The following SHISA9 variants were observed in gnomAD, a reference collection of about 807,000 sequenced individuals.
SHISA9 encodes protein shisa-9.
Under a neutral mutation model 38.0 loss-of-function variants are expected in SHISA9, and 13 were observed. That is an observed-to-expected ratio of 0.34 (90% CI 0.22 to 0.54). The LOEUF (loss-of-function observed/expected upper bound fraction) is 0.54. Among genes scored for constraint, SHISA9 ranks in the 20% least tolerant of loss-of-function variants. SHISA9 has a pLI of 0.91. For missense variants in SHISA9, 538 were observed against 575.8 expected, an observed-to-expected ratio of 0.93 and a Z score of 0.67; for synonymous variants, 275 against 242.0, an observed-to-expected ratio of 1.14 and a Z score of -1.27.
At chr16:13,052,791 C>T (rs2141900785) in intron 2 of SHISA9, among the ~76,000 whole-genome samples, 1 of 152,082 alleles carries the variant, frequency 6.6e-6, no homozygotes, top group African/African-American at 2.4e-5. Context: ...TGTTCTGAGC[C>T]CTGTGCTGGA....
the SHISA9 span, among the ~76,000 whole-genome samples, chr16:13,280,791 C>G: frequency 6.6e-6 from 1 of 151,424 alleles, no homozygotes; most frequent in Non-Finnish European, 1.5e-5. Flanking sequence ...AGAATTATAA[C>G]TATAAAGCTC....
At chr16:13,045,071 C>T (rs142507667) in intron 2 of SHISA9, among the ~76,000 whole-genome samples, 34 of 152,150 alleles carry the variant, frequency 2.2e-4, no homozygotes, top group African/African-American at 7.0e-4. Flanking sequence ...AAGATGGGGA[C>T]GATAACAGCA....
intron 2 of SHISA9, among the ~76,000 whole-genome samples, chr16:13,102,659 C>G (rs1328215919): frequency 1.3e-5 from 2 of 152,178 alleles, no homozygotes; most frequent in African/African-American, 4.8e-5. Context: ...TGTCCTCCCT[C>G]TAGACTCCCC....
the SHISA9 span, among the ~76,000 whole-genome samples, chr16:13,294,281 C>T: frequency 3.3e-5 from 5 of 152,164 alleles, no homozygotes; most frequent in Non-Finnish European, 7.3e-5. Context: ...GGATTGGCTG[C>T]CCCAGGATGG....
intron 2 of SHISA9, among the ~76,000 whole-genome samples, chr16:13,118,811 C>CCT (rs2074057548): frequency 6.7e-6 from 1 of 149,156 alleles, no homozygotes; most frequent in Admixed American, 6.8e-5. Context: ...CTTACTGCAA[C>CCT]CTCCACCTCA....
chr16:13,057,251 C>T (rs1034273004), intron 2 of SHISA9, among the ~76,000 whole-genome samples: 51 of 152,292 alleles, frequency 3.3e-4, no homozygotes, highest in African/African-American at 1.2e-3. Context: ...GCTTGCCTTT[C>T]ACAAGACAGC....
the SHISA9 span, among the ~76,000 whole-genome samples, chr16:13,387,253 A>G: frequency 2.0e-5 from 3 of 152,194 alleles, no homozygotes; most frequent in African/African-American, 7.2e-5. Flanking sequence ...TCATTTGGAA[A>G]TAGAATTGTT....
chr16:13,350,463 C>T, the SHISA9 span: 3 of 152,222 alleles, frequency 2.0e-5, no homozygotes, highest in African/African-American at 4.8e-5. Flanking sequence ...ATATCTTTCT[C>T]CTTCTACATA....
At chr16:13,228,064 A>C (rs1267423337) in intron 4 of SHISA9, among the ~76,000 whole-genome samples, 1 of 152,248 alleles carries the variant, frequency 6.6e-6, no homozygotes, top group Non-Finnish European at 1.5e-5. Flanking sequence ...TTCATTGCTC[A>C]CATTAAATCC....
At chr16:13,390,972 G>T in the SHISA9 span, among the ~76,000 whole-genome samples, 1 of 152,152 alleles carries the variant, frequency 6.6e-6, no homozygotes, top group African/African-American at 2.4e-5. Flanking sequence ...TCCAACCATG[G>T]CAATCTGTGA....
chr16:13,225,791 T>G (rs891366495), intron 4 of SHISA9, among the ~76,000 whole-genome samples: 7 of 152,196 alleles, frequency 4.6e-5, no homozygotes, highest in Admixed American at 1.3e-4. Context: ...GCCCCGCACC[T>G]GTACAAGTGT....
At position 13,108,625 on chromosome 16, in the gene SHISA9, C is replaced by G. The variant is rs4392050; in HGVS notation, c.692-94769C>G. ...ACCTCAAGACACATGAGACTGCATG[C>G]TTACTAATTTCTGGGAAAATATTTA... On this transcript the variant is annotated intron_variant, in intron 2 of 4. Coordinates refer to ENST00000558583, the MANE Select transcript of SHISA9 (RefSeq NM_001145204.3). 3.2e-3 allele frequency among the ~76,000 whole-genome samples: 492 copies of G among 152,168 alleles called. 1 individual carries two copies. The highest frequency in any genetic ancestry group is 0.011 in the African/African-American group (461 of 41,512).
chr16:13,527,332 C>T, the SHISA9 span, among the ~76,000 whole-genome samples: 1 of 152,138 alleles, frequency 6.6e-6, no homozygotes, highest in African/African-American at 2.4e-5. Context: ...TAGTGGGAGC[C>T]GCCATTTTAG....
chr16:13,159,694 A>T (rs571817688), intron 2 of SHISA9, among the ~76,000 whole-genome samples: 4 of 152,220 alleles, frequency 2.6e-5, no homozygotes, highest in African/African-American at 7.2e-5. Flanking sequence ...CCAGATATCA[A>T]TTGGCCTCCC....
chr16:12,985,031 C>G (rs1392251572), intron 2 of SHISA9, among the ~76,000 whole-genome samples: 1 of 152,146 alleles, frequency 6.6e-6, no homozygotes, highest in Admixed American at 6.6e-5. Flanking sequence ...CCCCTGAACC[C>G]ACTCCCTCAT....
the SHISA9 span, among the ~76,000 whole-genome samples, chr16:13,265,099 C>A: frequency 9.1e-6 from 1 of 109,776 alleles, no homozygotes; most frequent in Admixed American, 9.2e-5. Context: ...CCCCTCTCCT[C>A]CCTTCCCCTC....
the SHISA9 span, among the ~76,000 whole-genome samples, chr16:13,502,829 A>G: frequency 1.3e-5 from 2 of 152,186 alleles, no homozygotes; most frequent in Non-Finnish European, 2.9e-5. Flanking sequence ...GTGAGCTAAG[A>G]TCACGCCACC....
intron 4 of SHISA9, among the ~76,000 whole-genome samples, chr16:13,215,392 G>A (rs930898047): frequency 2.6e-5 from 4 of 152,196 alleles, no homozygotes; most frequent in African/African-American, 9.6e-5. Context: ...CTACCTGGCT[G>A]TTGCCTTCAG....
At chr16:13,253,295 T>C in the SHISA9 span, among the ~76,000 whole-genome samples, 3 of 152,264 alleles carry the variant, frequency 2.0e-5, no homozygotes, top group African/African-American at 7.2e-5. Flanking sequence ...AAGAGTCAAC[T>C]GTATCGTGAG....
Sources: allele counts gnomAD v4.1 joint callset (sites outside exome capture counted in the v4.1 genomes callset), GRCh38; gene constraint gnomAD v4.1.1; transcripts MANE v1.5; gene names NCBI Gene and HGNC (gene_info 2026-07-23, HGNC 2026-07-21).